The following FRAS1 variants were observed in gnomAD, a reference collection of about 807,000 sequenced individuals.
FRAS1 encodes the protein extracellular matrix organizing protein FRAS1.
In FRAS1, 290 loss-of-function variants were observed where a neutral mutation model predicts 435.2. The observed-to-expected ratio is 0.67, with a 90% CI of 0.61 to 0.73. The LOEUF (loss-of-function observed/expected upper bound fraction) is 0.73. Ranked by LOEUF, FRAS1 falls within the 30% of genes least tolerant of loss-of-function variation. The probability of loss-of-function intolerance (pLI) is 0.00; values close to 1 mark genes in which losing one functional copy is unlikely to be tolerated. For synonymous variants in FRAS1, 1,800 were observed against 1,851.0 expected, an observed-to-expected ratio of 0.97 and a Z score of 0.71; for missense variants, 4,860 against 5,001.5, an observed-to-expected ratio of 0.97 and a Z score of 0.85.
intron 2 of FRAS1, among the ~76,000 whole-genome samples, chr4:78,117,472 T>G (rs1360500976): frequency 6.6e-6 from 1 of 152,352 alleles, no homozygotes; most frequent in East Asian, 1.9e-4. Context: ...GATACACCAA[T>G]CAGACGTAGA....
chr4:78,071,302 T>A (rs914790008), intron 2 of FRAS1: 2 of 152,164 alleles, frequency 1.3e-5, no homozygotes, highest in Non-Finnish European at 2.9e-5. Context: ...GGGATTATAT[T>A]TCTCCTAGGT....
intron 20 of FRAS1, among the ~76,000 whole-genome samples, chr4:78,355,665 G>A (rs1730823448): frequency 6.6e-6 from 1 of 152,070 alleles, no homozygotes; most frequent in South Asian, 2.1e-4. Flanking sequence ...GTGGTGGGTT[G>A]GAAATTCAAT....
intron 20 of FRAS1, among the ~76,000 whole-genome samples, chr4:78,356,268 G>T (rs1730852251): frequency 6.6e-6 from 1 of 152,040 alleles, no homozygotes; most frequent in Non-Finnish European, 1.5e-5. Flanking sequence ...TGAAAACCAG[G>T]TGATGCAACC....
At chr4:78,509,475 C>CTTTTTTTTTTTTTTTTTTTTTTTT (rs1560418759) in intron 63 of FRAS1, among the ~76,000 whole-genome samples, 1 of 152,186 alleles carries the variant, frequency 6.6e-6, no homozygotes, top group African/African-American at 2.4e-5. Flanking sequence ...TACCACATTT[C>CTTTTTTTTTTTTTTTTTTTTTTTT]TGTAATGCAG....
At chr4:78,335,625 C>T (rs1420388252) in intron 19 of FRAS1, among the ~76,000 whole-genome samples, 1 of 152,136 alleles carries the variant, frequency 6.6e-6, no homozygotes, top group African/African-American at 2.4e-5. Context: ...AGACAAGCTA[C>T]CTTGGGTGTT....
At chr4:78,455,219 C>G (rs1012513757) in intron 47 of FRAS1, among the ~76,000 whole-genome samples, 11 of 152,192 alleles carry the variant, frequency 7.2e-5, no homozygotes, top group Non-Finnish European at 1.3e-4. Flanking sequence ...CTGTCTCCTT[C>G]CCTACCTCCC....
intron 9 of FRAS1, among the ~76,000 whole-genome samples, chr4:78,272,285 A>T (rs375912243): frequency 2.0e-5 from 3 of 152,080 alleles, no homozygotes; most frequent in African/African-American, 4.8e-5. Context: ...GATGGTAGTT[A>T]CTTTTGCTGT....
intron 2 of FRAS1, among the ~76,000 whole-genome samples, chr4:78,164,081 A>C (rs1205321872): frequency 6.6e-6 from 1 of 152,220 alleles, no homozygotes; most frequent in Non-Finnish European, 1.5e-5. Flanking sequence ...AGGCACAGAA[A>C]GCTAGAAGGC....
intron 2 of FRAS1, among the ~76,000 whole-genome samples, chr4:78,215,562 A>T (rs892129074): frequency 2.0e-5 from 3 of 151,900 alleles, no homozygotes; most frequent in African/African-American, 7.3e-5. Flanking sequence ...AATCCACAGA[A>T]CTCTTCATTT....
At chr4:78,501,514 T>C (rs889111891) in intron 61 of FRAS1, among the ~76,000 whole-genome samples, 8 of 152,238 alleles carry the variant, frequency 5.3e-5, no homozygotes, top group African/African-American at 1.9e-4. Context: ...ATGGTATTTC[T>C]GGTTCTAGAT....
At chr4:78,105,745 C>A (rs1039615925) in intron 2 of FRAS1, among the ~76,000 whole-genome samples, 1 of 151,896 alleles carries the variant, frequency 6.6e-6, no homozygotes, top group Non-Finnish European at 1.5e-5. Context: ...AGAGGAGGAG[C>A]CAAGATGGCC....
chr4:78,127,819 T>C (rs1719453291), intron 2 of FRAS1, among the ~76,000 whole-genome samples: 1 of 152,064 alleles, frequency 6.6e-6, no homozygotes, highest in Admixed American at 6.5e-5. Context: ...TACATATGTA[T>C]ACCTCATGTG....
rs181268501 is a variant in FRAS1 at position 78,332,260 on chromosome 4, A to C, written c.2138-1012A>C. Among the ~76,000 whole-genome samples the C allele has an allele frequency of 2.6e-5, 4 of 152,280 alleles. No individual in the cohort carries two copies. The East Asian group carries it at 7.7e-4, about 29-fold the overall frequency. ...CATGCTCCCAAGGAAATCATTTACTATCTCCAGGAATGTAGCCCCGGGAGG... is the reference window on the plus strand; with the variant it reads ...CATGCTCCCAAGGAAATCATTTACTCTCTCCAGGAATGTAGCCCCGGGAGG... On this transcript the variant is annotated intron_variant, in intron 18 of 73. Transcript: ENST00000512123.
At chr4:78,294,981 T>C (rs1333150049) in intron 14 of FRAS1, among the ~76,000 whole-genome samples, 1 of 152,234 alleles carries the variant, frequency 6.6e-6, no homozygotes, top group Non-Finnish European at 1.5e-5. Flanking sequence ...TATAAAGATA[T>C]CTTTTTGTGT....
chr4:78,091,477 C>T (rs995907919), intron 2 of FRAS1, among the ~76,000 whole-genome samples: 39 of 152,066 alleles, frequency 2.6e-4, no homozygotes, highest in African/African-American at 8.9e-4. Flanking sequence ...CTGTAAAAGG[C>T]CCTCATTGCT....
Position 78,477,917 on chromosome 4 carries a change from C to T in FRAS1, c.7954C>T (p.Pro2652Ser). The change falls in exon 55 of 74, where the codon CCA becomes TCA. Residue 2652 changes from proline to serine, a missense_variant. By Grantham distance (74) the Pro-to-Ser change is moderately conservative. Transcript: ENST00000512123. ...GAGTTTCACTGTGGAGCTCAGCATG[C>T]CAGCTTATGCCCTGTTAGGGGAATT... ...VESFTVELSMPAYALLGEFTQ... is the reference protein window; with the variant it reads ...VESFTVELSMSAYALLGEFTQ... 6.2e-7 allele frequency: 1 copy of T among 1,613,536 alleles called. No individual in the cohort carries two copies. Among genetic ancestry groups the T allele is most frequent in the Non-Finnish European group, 8.5e-7 (1 of 1,179,760 alleles).
chr4:78,113,491 T>G (rs909855136), intron 2 of FRAS1, among the ~76,000 whole-genome samples: 5 of 152,186 alleles, frequency 3.3e-5, no homozygotes, highest in African/African-American at 1.2e-4. Flanking sequence ...CAGCACCTGT[T>G]GTTTCCTGAC....
chr4:78,076,484 T>G (rs115794000), intron 2 of FRAS1, among the ~76,000 whole-genome samples: 2,299 of 152,328 alleles, frequency 0.015, 60 homozygotes, highest in African/African-American at 0.052. Flanking sequence ...ATTAAAATTT[T>G]TTGTTAAAAT....
chr4:78,363,162 C>T (rs1415260775), intron 20 of FRAS1, among the ~76,000 whole-genome samples: 1 of 152,106 alleles, frequency 6.6e-6, no homozygotes, highest in African/African-American at 2.4e-5. Flanking sequence ...GTCTCAGACC[C>T]CCAGGGGAGA....
Sources: gnomAD v4.1 joint callset for allele counts (sites outside exome capture counted in the v4.1 genomes callset) on GRCh38, gnomAD v4.1.1 for gene constraint, MANE v1.5 for transcripts, NCBI Gene and HGNC (gene_info 2026-07-23, HGNC 2026-07-21) for gene names.